The following ACACA variants were observed in gnomAD, a reference collection of about 807,000 sequenced individuals.
ACACA encodes the protein acetyl-CoA carboxylase 1.
In ACACA, 103 loss-of-function variants were observed where a neutral mutation model predicts 296.1. That is an observed-to-expected ratio of 0.35 (90% CI 0.30 to 0.41). The LOEUF (loss-of-function observed/expected upper bound fraction) is 0.41, where lower values mean the gene tolerates loss of function less well. Among genes scored for constraint, ACACA ranks in the 10% least tolerant of loss-of-function variants. The probability of loss-of-function intolerance (pLI) is 1.00; values close to 1 mark genes in which losing one functional copy is unlikely to be tolerated. For missense variants in ACACA, 1,554 were observed against 2,989.7 expected (o/e 0.52, Z 11.20); for synonymous variants, 953 against 1,038.6 (o/e 0.92, Z 1.58).
chr17:37,317,464 G>T (rs1235004899), intron 3 of ACACA, among the ~76,000 whole-genome samples: 2 of 151,812 alleles, frequency 1.3e-5, no homozygotes, highest in African/African-American at 4.8e-5. Flanking sequence ...TACTTAGTAG[G>T]CTGAGGCACG....
intron 54 of ACACA, among the ~76,000 whole-genome samples, chr17:37,093,616 G>A (rs1432426468): frequency 6.6e-6 from 1 of 152,086 alleles, no homozygotes; most frequent in South Asian, 2.1e-4. Context: ...TCCTGCCTCA[G>A]CCCCCTGAGG....
intron 44 of ACACA, 121 bp from the exon 45 acceptor site, chr17:37,150,095 A>G: frequency 2.3e-6 from 2 of 857,296 alleles, no homozygotes; most frequent in Non-Finnish European, 3.8e-6. Context: ...TATGAAGTCT[A>G]TTTGATTGAC....
chr17:37,292,184 A>G (rs542081440), intron 3 of ACACA, among the ~76,000 whole-genome samples: 34 of 152,332 alleles, frequency 2.2e-4, no homozygotes, highest in African/African-American at 7.7e-4. Flanking sequence ...AACATCATGT[A>G]AATTTGTATG....
At chr17:37,337,033 T>C (rs1450350098) in intron 2 of ACACA, among the ~76,000 whole-genome samples, 6 of 152,138 alleles carry the variant, frequency 3.9e-5, no homozygotes, top group African/African-American at 1.2e-4. Flanking sequence ...TGGGAACTTG[T>C]TAGAAGTGCA....
At chr17:37,128,466 C>T (rs1374200584) in intron 47 of ACACA, among the ~76,000 whole-genome samples, 1 of 152,172 alleles carries the variant, frequency 6.6e-6, no homozygotes, top group Non-Finnish European at 1.5e-5. Context: ...AATAAAATAC[C>T]TTCTGCAATC....
Position 37,223,117 on chromosome 17 carries a change from A to G in ACACA, c.3564+395T>C, listed in dbSNP as rs373745685. On this transcript the variant is annotated intron_variant, in intron 28 of 55. Coordinates refer to ENST00000616317, the MANE Select transcript of ACACA (RefSeq NM_198834.3). ...TTTCATAAGAGCTGCTTGACAATCC[A>G]AACATAACTAAAATCAATTTTAATT... is the stretch of plus-strand genomic sequence containing the variant. Among the ~76,000 whole-genome samples the G allele has an allele frequency of 1.1e-3, 172 of 152,352 alleles. 5 individuals are homozygous for G. The South Asian group carries it at 0.035, about 31-fold the overall frequency.
At chr17:37,256,986 T>C (rs1373405656) in intron 14 of ACACA, among the ~76,000 whole-genome samples, 4 of 152,174 alleles carry the variant, frequency 2.6e-5, no homozygotes, top group Admixed American at 2.0e-4. Flanking sequence ...CAATTTTAGA[T>C]AGATATTCCA....
intron 40 of ACACA, among the ~76,000 whole-genome samples, chr17:37,180,980 T>C (rs947156656): frequency 7.2e-5 from 11 of 152,350 alleles, no homozygotes; most frequent in East Asian, 3.9e-4. Flanking sequence ...TCCTACTCAA[T>C]AGAGACTTCT....
intron 3 of ACACA, among the ~76,000 whole-genome samples, chr17:37,301,843 AAAAG>A (rs1420895590): frequency 2.6e-5 from 4 of 152,228 alleles, no homozygotes; most frequent in African/African-American, 4.8e-5. Context: ...TCTAGAAAGA[AAAAG>A]AAAGGCTGCT....
Position 37,087,378 on chromosome 17 carries a change from A to G in ACACA, c.7090T>C (p.Ser2364Pro). ...ATGACTTCTGCTCGCTGAGTGGGTGATATGTGCTGCGTCATATGGATGATG... is the reference window on the plus strand; with the variant it reads ...ATGACTTCTGCTCGCTGAGTGGGTGGTATGTGCTGCGTCATATGGATGATG... ...DSIIHMTQHI[S>P]PTQRAEVIRI... is the part of the protein sequence containing the mutation. The change falls in exon 56 of 56, where the codon TCA becomes CCA. Residue 2364 changes from serine to proline, a missense_variant. By Grantham distance (74) the Ser-to-Pro change is moderately conservative (BLOSUM62 -1). This residue lies in a region of ACACA where 553 missense variants were observed against 1,043.6 expected (regional missense o/e 0.53). Coordinates refer to ENST00000616317, the MANE Select transcript of ACACA (RefSeq NM_198834.3). The G allele has an allele frequency of 6.2e-7, 1 of 1,614,074 alleles. No homozygotes were observed. The highest frequency in any genetic ancestry group is 8.5e-7 in the Non-Finnish European group (1 of 1,180,024).
At chr17:37,390,175 T>TATATATATATATATATATATATATACAC (rs60788220) in intron 1 of ACACA, among the ~76,000 whole-genome samples, 1 of 44,508 alleles carries the variant, frequency 2.2e-5, no homozygotes, top group Non-Finnish European at 3.6e-5. Context: ...TATATATATA[T>TATATATATATATATATATATATATACAC]ACACACACAC....
chr17:37,154,399 ATAGTT>A (rs1191277564), intron 43 of ACACA, among the ~76,000 whole-genome samples: 1 of 152,222 alleles, frequency 6.6e-6, no homozygotes, highest in African/African-American at 2.4e-5. Flanking sequence ...CCTCACTAGA[ATAGTT>A]TAAATAGTGT....
chr17:37,295,418 T>C lies in ACACA; in HGVS notation c.339-10448A>G, dbSNP rs1598423470. 3.3e-5 allele frequency among the ~76,000 whole-genome samples: 5 copies of C among 152,240 alleles called. 1 individual carries two copies. Among genetic ancestry groups the C allele is most frequent in the Admixed American group, 3.3e-4 (5 of 15,302 alleles). ...GGAGGCTGTACAAGTTCTTGGTGTTTTGAACAAAGAATTGAACAAAACACA... is the reference window on the plus strand; with the variant it reads ...GGAGGCTGTACAAGTTCTTGGTGTTCTGAACAAAGAATTGAACAAAACACA... On this transcript the variant is annotated intron_variant, in intron 3 of 55. Transcript: ENST00000616317.
At chr17:37,272,911 T>G (rs1467113301) in intron 9 of ACACA, among the ~76,000 whole-genome samples, 1 of 152,126 alleles carries the variant, frequency 6.6e-6, no homozygotes, top group Non-Finnish European at 1.5e-5. Flanking sequence ...CTTTGGATGG[T>G]GTGTTTGCAT....
At position 37,352,735 on chromosome 17, in the gene ACACA, AAAAAG is replaced by A. The variant is rs1468843633; in HGVS notation, c.39-12890_39-12886del. Among the ~76,000 whole-genome samples the A allele has an allele frequency of 5.9e-5, 9 of 152,206 alleles. No homozygotes were observed. In the East Asian group the frequency reaches 1.5e-3, roughly 26 times the overall value. Reference sequence around the variant, plus strand: ...ACAGAGTGAGACCTTATCAAAAAAAAAAAAGAAAAGAAATTTCTTCCTTAAGGAAA... The same window carrying A: ...ACAGAGTGAGACCTTATCAAAAAAAAAAAAGAAATTTCTTCCTTAAGGAAA... On this transcript the variant is annotated intron_variant, in intron 1 of 55. Coordinates refer to ENST00000616317, the MANE Select transcript of ACACA (RefSeq NM_198834.3).
intron 31 of ACACA, 55 bp downstream of exon 31, chr17:37,207,602 A>G: frequency 1.2e-6 from 2 of 1,607,728 alleles, no homozygotes; most frequent in East Asian, 2.2e-5. Context: ...ATGAGACCCC[A>G]AAACACAGAT....
intron 3 of ACACA, among the ~76,000 whole-genome samples, chr17:37,286,767 G>A (rs1435386902): frequency 6.6e-6 from 1 of 152,072 alleles, no homozygotes; most frequent in African/African-American, 2.4e-5. Context: ...TCACCTGTCA[G>A]GCCAAGGATC....
intron 11 of ACACA, among the ~76,000 whole-genome samples, chr17:37,260,936 T>C (rs1316852387): frequency 1.3e-5 from 2 of 152,190 alleles, no homozygotes; most frequent in Non-Finnish European, 2.9e-5. Flanking sequence ...ACCTGTATCC[T>C]AATCGATACA....
chr17:37,248,562 A>G lies in ACACA; in HGVS notation c.2163+31T>C, dbSNP rs752229909. On this transcript the variant is annotated intron_variant, in intron 17 of 55. Transcript: ENST00000616317. ...CCTAAAGAAAGATAGCTAAAAAAGT[A>G]AGGTGCAAGCTCCAATGGGGTTCTG... 4.0e-6 allele frequency: 6 copies of G among 1,509,778 alleles called. No individual in the cohort carries two copies. In the East Asian group the frequency reaches 1.4e-4, roughly 34 times the overall value. 93.5% of individuals were successfully genotyped at this position (1,509,778 alleles called of 1,614,324 possible).
Sources: gnomAD v4.1 joint callset for allele counts (sites outside exome capture counted in the v4.1 genomes callset) on GRCh38, gnomAD v4.1.1 for gene constraint, gnomAD v4.1.1 regional missense constraint, MANE v1.5 for transcripts, NCBI Gene and HGNC (gene_info 2026-07-23, HGNC 2026-07-21) for gene names.